SYN3: variants seen among roughly 807,000 people sequenced by gnomAD.
The protein encoded by SYN3 is synapsin-3.
SYN3 carries 35 observed loss-of-function variants against 65.8 expected under a neutral mutation model. That is an observed-to-expected ratio of 0.53 (90% CI 0.41 to 0.70). The LOEUF (loss-of-function observed/expected upper bound fraction) is 0.70. Among genes scored for constraint, SYN3 ranks in the 30% least tolerant of loss-of-function variants. SYN3 has a pLI of 0.00. For synonymous variants in SYN3, 270 were observed against 292.9 expected (o/e 0.92, Z 0.80); for missense variants, 680 against 749.0 (o/e 0.91, Z 1.08).
At chr22:32,681,217 G>T (rs2060518065) in intron 6 of SYN3, among the ~76,000 whole-genome samples, 1 of 152,044 alleles carries the variant, frequency 6.6e-6, no homozygotes, top group Non-Finnish European at 1.5e-5. Flanking sequence ...GACCTCCAGG[G>T]ATATTTGGCA....
intron 7 of SYN3, among the ~76,000 whole-genome samples, chr22:32,566,978 T>C (rs1274237018): frequency 6.6e-6 from 1 of 151,622 alleles, no homozygotes; most frequent in Admixed American, 6.6e-5. Flanking sequence ...AAAGAAGGTG[T>C]GGGGGCAGGC....
Position 32,509,679 on chromosome 22 carries a change from C to T in SYN3, c.*4013G>A, listed in dbSNP as rs2057670402. 1.3e-5 allele frequency among the ~76,000 whole-genome samples: 2 copies of T among 152,092 alleles called. No individual in the cohort carries two copies. Among genetic ancestry groups the T allele is most frequent in the African/African-American group, 4.8e-5 (2 of 41,420 alleles). On this transcript the variant is annotated 3_prime_UTR_variant, in exon 14 of 14. Transcript: ENST00000358763. ...CGCCTCCCGGGTTCACGCCATTCTC[C>T]TGCCTCAGCCTCCCTAGTAGCTGGG...
At chr22:32,777,386 C>CT (rs1201615448) in intron 6 of SYN3, among the ~76,000 whole-genome samples, 5 of 73,498 alleles carry the variant, frequency 6.8e-5, no homozygotes, top group Non-Finnish European at 1.1e-4. Context: ...CCTGCTCCTT[C>CT]TTTTTTTTTA....
chr22:32,955,993 A>G (rs981730267), intron 3 of SYN3, among the ~76,000 whole-genome samples: 4 of 149,536 alleles, frequency 2.7e-5, no homozygotes, highest in South Asian at 2.1e-4. Context: ...CAGATGGCCT[A>G]TTGTGTGAAC....
At chr22:32,642,937 T>C (rs2059924005) in intron 6 of SYN3, among the ~76,000 whole-genome samples, 1 of 152,208 alleles carries the variant, frequency 6.6e-6, no homozygotes, top group Non-Finnish European at 1.5e-5. Flanking sequence ...ATTTGTTTTT[T>C]AAATCTACCT....
At chr22:33,030,596 CAG>C (rs1240607454) in intron 1 of SYN3, among the ~76,000 whole-genome samples, 3 of 148,058 alleles carry the variant, frequency 2.0e-5, no homozygotes, top group South Asian at 2.2e-4. Context: ...GAGAGAGAGA[CAG>C]AGAGAGATAG....
chr22:32,925,415 A>T (rs963872312), intron 4 of SYN3, among the ~76,000 whole-genome samples: 7 of 152,208 alleles, frequency 4.6e-5, no homozygotes, highest in African/African-American at 1.7e-4. Context: ...AGGGGAGCAT[A>T]ATTCATCTCA....
intron 7 of SYN3, among the ~76,000 whole-genome samples, chr22:32,543,842 T>C (rs1018415956): frequency 6.6e-6 from 1 of 152,074 alleles, no homozygotes; most frequent in African/African-American, 2.4e-5. Flanking sequence ...AATGTGAACA[T>C]GATGGTATGA....
At chr22:33,044,309 T>C (rs2054019497) in intron 1 of SYN3, among the ~76,000 whole-genome samples, 1 of 152,180 alleles carries the variant, frequency 6.6e-6, no homozygotes, top group Non-Finnish European at 1.5e-5. Flanking sequence ...TCCTCAAACA[T>C]GCCTAGTCAC....
intron 4 of SYN3, among the ~76,000 whole-genome samples, chr22:32,881,447 G>A (rs1266676099): frequency 1.3e-5 from 2 of 152,194 alleles, no homozygotes; most frequent in African/African-American, 2.4e-5. Context: ...CGCTCAGCAG[G>A]AAATATCTGC....
At chr22:32,594,980 C>A (rs959938745) in intron 7 of SYN3, among the ~76,000 whole-genome samples, 4 of 152,180 alleles carry the variant, frequency 2.6e-5, no homozygotes, top group African/African-American at 7.2e-5. Context: ...CTATGTTGGG[C>A]ATTGTGTCTG....
intron 8 of SYN3, among the ~76,000 whole-genome samples, chr22:32,540,877 C>T (rs1043165705): frequency 6.6e-6 from 1 of 152,182 alleles, no homozygotes; most frequent in Non-Finnish European, 1.5e-5. Context: ...ATGACTAGGG[C>T]AGATTCATTT....
At chr22:32,890,266 C>A (rs1601631083) in intron 4 of SYN3, among the ~76,000 whole-genome samples, 1 of 150,974 alleles carries the variant, frequency 6.6e-6, no homozygotes, top group African/African-American at 2.4e-5. Context: ...TTTTATAGAG[C>A]ATTTTCCCAT....
chr22:32,660,391 G>A (rs1216828433), intron 6 of SYN3, among the ~76,000 whole-genome samples: 1 of 152,164 alleles, frequency 6.6e-6, no homozygotes, highest in Non-Finnish European at 1.5e-5. Context: ...CAGCAAAGTT[G>A]CGAAATGGAC....
chr22:32,749,408 A>G lies in SYN3; in HGVS notation c.711+115507T>C, dbSNP rs532124147. Among the ~76,000 whole-genome samples the G allele has an allele frequency of 1.7e-4, 26 of 151,126 alleles. No homozygotes were observed. In the South Asian group the frequency reaches 4.4e-3, roughly 25 times the overall value. On this transcript the variant is annotated intron_variant, in intron 6 of 13. Coordinates refer to ENST00000358763, the MANE Select transcript of SYN3 (RefSeq NM_003490.4). ...TGTAATCCCAGCACTTTGGGAGGCC[A>G]AGGCGGGTGAATCGTGAGGTCAGGA... is the stretch of plus-strand genomic sequence containing the variant.
intron 3 of SYN3, among the ~76,000 whole-genome samples, chr22:32,957,924 G>A (rs993175501): frequency 3.9e-5 from 6 of 152,214 alleles, no homozygotes; most frequent in South Asian, 4.1e-4. Flanking sequence ...ATAGAGCTTC[G>A]CGCTAACCCA....
At chr22:32,887,476 CA>C (rs1215214519) in intron 4 of SYN3, among the ~76,000 whole-genome samples, 1 of 152,132 alleles carries the variant, frequency 6.6e-6, no homozygotes, top group Non-Finnish European at 1.5e-5. Flanking sequence ...TGACTTGTGC[CA>C]ACAACCCAAG....
chr22:32,762,698 G>A (rs1197365096), intron 6 of SYN3, among the ~76,000 whole-genome samples: 1 of 152,240 alleles, frequency 6.6e-6, no homozygotes, highest in East Asian at 1.9e-4. Flanking sequence ...GACAGAGCGA[G>A]GTGGGGCGGG....
intron 6 of SYN3, among the ~76,000 whole-genome samples, chr22:32,624,446 T>C (rs1053747296): frequency 6.6e-6 from 1 of 152,198 alleles, no homozygotes; most frequent in Non-Finnish European, 1.5e-5. Flanking sequence ...ATTGAAATAC[T>C]TTCATCTCAT....
Sources: allele counts gnomAD v4.1 joint callset (sites outside exome capture counted in the v4.1 genomes callset), GRCh38; gene constraint gnomAD v4.1.1; transcripts MANE v1.5; gene names NCBI Gene and HGNC (gene_info 2026-07-23, HGNC 2026-07-21).